SSH2: variants seen among roughly 807,000 people sequenced by gnomAD.
SSH2 encodes the protein slingshot protein phosphatase 2, also known as protein phosphatase Slingshot homolog 2.
Under a neutral mutation model 135.2 loss-of-function variants are expected in SSH2, and 37 were observed. The ratio of observed to expected loss-of-function variants is 0.27; its 90% CI spans 0.21 to 0.36. The LOEUF (loss-of-function observed/expected upper bound fraction) is 0.36. SSH2 is among the 10% of genes least tolerant of loss of function. The pLI, the probability that SSH2 is intolerant of heterozygous loss-of-function variation, is 1.00. For missense variants in SSH2, 1,408 were observed against 1,765.3 expected (o/e 0.80, Z 3.63); for synonymous variants, 628 against 646.2 (o/e 0.97, Z 0.43).
chr17:29,839,742 A>G (rs1369419421), intron 2 of SSH2, among the ~76,000 whole-genome samples: 1 of 152,226 alleles, frequency 6.6e-6, no homozygotes, highest in African/African-American at 2.4e-5. Flanking sequence ...ATAAAACTAG[A>G]GTTGAGAATC....
intron 1 of SSH2, among the ~76,000 whole-genome samples, chr17:29,850,895 G>A (rs979064286): frequency 6.6e-6 from 1 of 152,204 alleles, no homozygotes; most frequent in African/African-American, 2.4e-5. Flanking sequence ...TGAGGCAGGA[G>A]AATGGCGTGA....
intron 1 of SSH2, among the ~76,000 whole-genome samples, chr17:29,907,274 T>C (rs917825778): frequency 1.3e-5 from 2 of 151,530 alleles, no homozygotes; most frequent in Non-Finnish European, 2.9e-5. Flanking sequence ...GAAAACAAAA[T>C]ACTGCACGTT....
At chr17:29,768,292 T>A (rs1157191482) in intron 3 of SSH2, among the ~76,000 whole-genome samples, 36 of 148,598 alleles carry the variant, frequency 2.4e-4, no homozygotes, top group African/African-American at 8.1e-4. Flanking sequence ...AATGTAAATT[T>A]TTTTTTTTTT....
At chr17:29,810,028 T>TCAAGCTTATATA (rs1460752397) in intron 2 of SSH2, among the ~76,000 whole-genome samples, 2 of 152,196 alleles carry the variant, frequency 1.3e-5, no homozygotes, top group African/African-American at 4.8e-5. Flanking sequence ...TATTATAAGC[T>TCAAGCTTATATA]TGAAGGCAGG....
Position 29,636,071 on chromosome 17 carries a change from T to A in SSH2, c.2159A>T (p.Glu720Val). ...AGCTGTCACTTTGGAAGGGGCTACT[T>A]CTACCACTGACAGTCGACAGCTCTC... ...RNESCRLSVV[E>V]VAPSKVTADD... Residue 720 changes from glutamate (E) to valine (V), a missense_variant, in exon 15 of 16, where the codon GAA becomes GTA. Transcript: ENST00000540801. The A allele has an allele frequency of 1.9e-6, 3 of 1,614,216 alleles. No homozygotes were observed. Among genetic ancestry groups the A allele is most frequent in the Non-Finnish European group, 2.5e-6 (3 of 1,180,040 alleles).
At chr17:29,678,916 T>C (rs891012483) in intron 6 of SSH2, among the ~76,000 whole-genome samples, 1 of 152,052 alleles carries the variant, frequency 6.6e-6, no homozygotes, top group Non-Finnish European at 1.5e-5. Flanking sequence ...GTTTTTGCCA[T>C]GTTGACTAGG....
intron 3 of SSH2, among the ~76,000 whole-genome samples, chr17:29,774,175 A>G (rs149521015): frequency 1.0e-3 from 152 of 152,282 alleles, no homozygotes; most frequent in African/African-American, 3.4e-3. Flanking sequence ...CTTATACTAA[A>G]CTCAGCAGTT....
chr17:29,785,646 C>T (rs1036763238), intron 3 of SSH2, among the ~76,000 whole-genome samples: 1 of 151,466 alleles, frequency 6.6e-6, no homozygotes, highest in East Asian at 1.9e-4. Flanking sequence ...ATTACAGGAG[C>T]GTGCCATCAC....
In SSH2 at chr17:29,626,646, A is replaced by G. The variant is rs1033329726; in HGVS notation, c.*4195T>C. On this transcript the variant is annotated 3_prime_UTR_variant, in exon 16 of 16. Transcript: ENST00000540801. The stretch of plus-strand genomic sequence containing the variant: ...AGTCACCCTCCATTTCCAGGCTGGA[A>G]AAGTACAGAAGCACCTTGCAATAGC... The G allele has an allele frequency of 2.0e-5, 3 of 152,766 alleles. No individual in the cohort carries two copies. Among genetic ancestry groups the G allele is most frequent in the African/African-American group, 7.2e-5 (3 of 41,454 alleles). 9.5% of individuals were successfully genotyped at this position (152,766 alleles called of 1,614,324 possible). A position where few individuals can be genotyped will look rare whatever the true frequency, so the allele number is the denominator to read the frequency against.
At chr17:29,914,258 G>A (rs892037918) in intron 1 of SSH2, among the ~76,000 whole-genome samples, 2 of 151,938 alleles carry the variant, frequency 1.3e-5, no homozygotes, top group Non-Finnish European at 2.9e-5. Flanking sequence ...CACCTATCTC[G>A]ACTGCCAAAA....
At chr17:29,804,588 C>T (rs1413264045) in intron 2 of SSH2, among the ~76,000 whole-genome samples, 1 of 152,178 alleles carries the variant, frequency 6.6e-6, no homozygotes, top group Non-Finnish European at 1.5e-5. Flanking sequence ...AACTCACCCA[C>T]TTGTGATAAT....
chr17:29,643,250 C>G (rs953730885), intron 14 of SSH2: 9 of 985,126 alleles, frequency 9.1e-6, no homozygotes, highest in Non-Finnish European at 1.1e-5. Flanking sequence ...CTACAAGTAC[C>G]AAGGTGTCCT....
chr17:29,761,104 A>C (rs1406119195), intron 3 of SSH2: 1 of 1,286,356 alleles, frequency 7.8e-7, no homozygotes, highest in Non-Finnish European at 1.0e-6. Flanking sequence ...TGAAAGAGCA[A>C]ACTTTCTGAG....
At chr17:29,734,618 T>C (rs2040306511) in intron 3 of SSH2, among the ~76,000 whole-genome samples, 1 of 152,220 alleles carries the variant, frequency 6.6e-6, no homozygotes, top group African/African-American at 2.4e-5. Flanking sequence ...TCTCGAACTT[T>C]TTCTTGAAAG....
intron 1 of SSH2, among the ~76,000 whole-genome samples, chr17:29,873,745 TC>T (rs2065978842): frequency 6.6e-6 from 1 of 152,254 alleles, no homozygotes; most frequent in East Asian, 1.9e-4. Context: ...AAATTGGAAA[TC>T]CCCATCCAAG....
intron 3 of SSH2, among the ~76,000 whole-genome samples, chr17:29,725,845 C>A (rs182696259): frequency 2.1e-3 from 314 of 152,192 alleles, no homozygotes; most frequent in Non-Finnish European, 3.3e-3. Context: ...CAGCAAACCA[C>A]CATGGCACAT....
intron 1 of SSH2, among the ~76,000 whole-genome samples, chr17:29,922,357 T>C (rs1567656008): frequency 1.3e-5 from 2 of 150,214 alleles, no homozygotes; most frequent in Admixed American, 6.8e-5. Flanking sequence ...ATATAATAGT[T>C]AATATTTGTA....
intron 1 of SSH2, among the ~76,000 whole-genome samples, chr17:29,871,144 C>T (rs919736571): frequency 7.3e-5 from 11 of 151,314 alleles, no homozygotes; most frequent in South Asian, 2.1e-4. Flanking sequence ...TGAGAAGTCA[C>T]GGGATAGGTC....
At chr17:29,722,541 G>C (rs1233510775) in intron 3 of SSH2, among the ~76,000 whole-genome samples, 2 of 152,152 alleles carry the variant, frequency 1.3e-5, no homozygotes, top group African/African-American at 4.8e-5. Context: ...AAATGACAAA[G>C]TATCTGAACT....
Sources: allele counts gnomAD v4.1 joint callset (sites outside exome capture counted in the v4.1 genomes callset), GRCh38; gene constraint gnomAD v4.1.1; transcripts MANE v1.5; gene names NCBI Gene and HGNC (gene_info 2026-07-23, HGNC 2026-07-21).